The following FRMD4A variants were observed in gnomAD, a reference collection of about 807,000 sequenced individuals.
FRMD4A encodes the protein FERM domain containing 4A.
In FRMD4A, 29 loss-of-function variants were observed where a neutral mutation model predicts 129.1. That is an observed-to-expected ratio of 0.22 (90% CI 0.17 to 0.31). FRMD4A has a LOEUF of 0.31. Among genes scored for constraint, FRMD4A ranks in the 10% least tolerant of loss-of-function variants. The probability of loss-of-function intolerance (pLI) is 1.00; values close to 1 mark genes in which losing one functional copy is unlikely to be tolerated. For missense variants in FRMD4A, 1,272 were observed against 1,375.8 expected, an observed-to-expected ratio of 0.92 and a Z score of 1.19; for synonymous variants, 634 against 571.6, an observed-to-expected ratio of 1.11 and a Z score of -1.56.
chr10:14,312,314 G>C (rs1011759404), intron 2 of FRMD4A, among the ~76,000 whole-genome samples: 10 of 152,202 alleles, frequency 6.6e-5, no homozygotes, highest in Non-Finnish European at 1.0e-4. Context: ...TCAGAGAATA[G>C]CTCACTTTTC....
intron 2 of FRMD4A, among the ~76,000 whole-genome samples, chr10:13,946,239 G>A (rs184443188): frequency 1.3e-4 from 20 of 152,330 alleles, no homozygotes; most frequent in African/African-American, 4.6e-4. Context: ...GGACTCTTTA[G>A]GCAGATGCTT....
rs1327913094 is a variant in FRMD4A, at chr10:14,017,259, G to A, written c.46-158347C>T. Among the ~76,000 whole-genome samples, 4 of 151,004 alleles carry A rather than the reference G, an allele frequency of 2.6e-5. No individual in the cohort carries two copies. The East Asian group carries it at 7.9e-4, about 30-fold the overall frequency. On this transcript the variant is annotated intron_variant, in intron 2 of 24. Coordinates refer to ENST00000357447, the MANE Select transcript of FRMD4A (RefSeq NM_018027.5). ...TCTGTGAAGCTGGCTGTGTAGATTG[G>A]CTTTCAAGATCATTTTGCAAAGCCC...
intron 9 of FRMD4A, among the ~76,000 whole-genome samples, chr10:13,742,067 G>T (rs1353514162): frequency 6.6e-6 from 1 of 151,946 alleles, no homozygotes; most frequent in Non-Finnish European, 1.5e-5. Flanking sequence ...TGTTGGCCAG[G>T]CTGGTCTCAA....
intron 2 of FRMD4A, among the ~76,000 whole-genome samples, chr10:14,204,289 C>T (rs947740694): frequency 9.9e-5 from 15 of 152,072 alleles, no homozygotes; most frequent in Admixed American, 3.3e-4. Flanking sequence ...ATTAGCCAGA[C>T]ATGATGGTGC....
chr10:13,892,234 C>T (rs957515509), intron 2 of FRMD4A, among the ~76,000 whole-genome samples: 1 of 152,186 alleles, frequency 6.6e-6, no homozygotes, highest in Non-Finnish European at 1.5e-5. Flanking sequence ...CCGCTCGAGG[C>T]CCTCTCCTAC....
chr10:13,701,560 C>T, intron 13 of FRMD4A, 82 bp from the exon 14 acceptor site: 1 of 1,326,644 alleles, frequency 7.5e-7, no homozygotes, highest in Non-Finnish European at 1.1e-6. Context: ...TGTAGAGAAC[C>T]CACTGCGTCC....
At chr10:14,152,888 G>T (rs559485931) in intron 2 of FRMD4A, among the ~76,000 whole-genome samples, 1 of 152,154 alleles carries the variant, frequency 6.6e-6, no homozygotes, top group Non-Finnish European at 1.5e-5. Context: ...CAGCTGGGAA[G>T]AGGGGGAACC....
intron 2 of FRMD4A, among the ~76,000 whole-genome samples, chr10:14,281,162 T>C (rs1444016444): frequency 6.6e-6 from 1 of 151,878 alleles, no homozygotes; most frequent in Non-Finnish European, 1.5e-5. Flanking sequence ...CCAGCTAATT[T>C]TGTATTTTTA....
intron 2 of FRMD4A, among the ~76,000 whole-genome samples, chr10:14,293,289 C>A (rs559316027): frequency 6.6e-6 from 1 of 152,222 alleles, no homozygotes; most frequent in African/African-American, 2.4e-5. Context: ...CACTCTCTTG[C>A]CCTTCCACCT....
chr10:13,928,655 T>C (rs1397219506), intron 2 of FRMD4A, among the ~76,000 whole-genome samples: 2 of 152,178 alleles, frequency 1.3e-5, no homozygotes, highest in Non-Finnish European at 2.9e-5. Context: ...GATTTGGCAT[T>C]GTGCTAAGGC....
intron 19 of FRMD4A, among the ~76,000 whole-genome samples, chr10:13,661,504 G>T (rs1414466913): frequency 6.6e-6 from 1 of 152,216 alleles, no homozygotes; most frequent in East Asian, 1.9e-4. Flanking sequence ...CCTTCTGTGT[G>T]CACCATGTGA....
intron 2 of FRMD4A, among the ~76,000 whole-genome samples, chr10:13,962,051 GAATGAA>G (rs2095448977): frequency 6.6e-6 from 1 of 151,882 alleles, no homozygotes; most frequent in Non-Finnish European, 1.5e-5. Flanking sequence ...ATGAATGAAT[GAATGAA>G]TGAATGAATG....
At chr10:14,101,069 A>G (rs1000446307) in intron 2 of FRMD4A, among the ~76,000 whole-genome samples, 1 of 152,256 alleles carries the variant, frequency 6.6e-6, no homozygotes, top group Admixed American at 6.5e-5. Flanking sequence ...GAACCACCCC[A>G]GGTTTCTACC....
At chr10:13,691,520 A>T (rs1487556256) in intron 15 of FRMD4A, among the ~76,000 whole-genome samples, 1 of 152,112 alleles carries the variant, frequency 6.6e-6, no homozygotes, top group Non-Finnish European at 1.5e-5. Context: ...TCTCTTCCTC[A>T]GCAACAAGAG....
Position 13,670,531 on chromosome 10 carries a change from G to A in FRMD4A, c.1252-3C>T. 10 of 1,612,298 alleles carry A rather than the reference G, an allele frequency of 6.2e-6. No homozygotes were observed. Among genetic ancestry groups the A allele is most frequent in the Non-Finnish European group, 8.5e-6 (10 of 1,178,898 alleles). ...ACTGGCAGCTTGCCCGTGAGCTCCT[G>A]CATATGTGAAATGGCATTCGGAGTG... is the stretch of plus-strand genomic sequence containing the variant. On this transcript the variant is annotated splice_polypyrimidine_tract_variant and splice_region_variant and intron_variant, in intron 16 of 24. Coordinates refer to ENST00000357447, the MANE Select transcript of FRMD4A (RefSeq NM_018027.5).
intron 4 of FRMD4A, among the ~76,000 whole-genome samples, chr10:13,798,948 T>G (rs2093188091): frequency 6.6e-6 from 1 of 152,118 alleles, no homozygotes. Context: ...GCCTTTCCCT[T>G]CCTTCTTCCC....
chr10:14,168,164 G>A (rs866753261), intron 2 of FRMD4A, among the ~76,000 whole-genome samples: 14 of 152,270 alleles, frequency 9.2e-5, no homozygotes, highest in Admixed American at 6.5e-4. Context: ...CAGAGGAGAC[G>A]CTTGGACTTT....
At chr10:13,707,846 G>A (rs1227726548) in intron 12 of FRMD4A, 3 of 985,210 alleles carry the variant, frequency 3.0e-6, no homozygotes, top group Non-Finnish European at 3.6e-6. Flanking sequence ...GAAGTGGAAT[G>A]AAGGGGCCCT....
At chr10:14,218,982 A>C (rs1843162686) in intron 2 of FRMD4A, among the ~76,000 whole-genome samples, 1 of 127,614 alleles carries the variant, frequency 7.8e-6, no homozygotes, top group Non-Finnish European at 1.7e-5. Flanking sequence ...AAAAAAAAAA[A>C]AAAAAAAAAA....
Sources: allele counts gnomAD v4.1 joint callset (sites outside exome capture counted in the v4.1 genomes callset), GRCh38; gene constraint gnomAD v4.1.1; transcripts MANE v1.5; gene names NCBI Gene and HGNC (gene_info 2026-07-23, HGNC 2026-07-21).